DEFB121: variants seen among roughly 807,000 people sequenced by gnomAD.
The protein encoded by DEFB121 is beta-defensin 121.
In DEFB121, 5 loss-of-function variants were observed where a neutral mutation model predicts 2.5. The observed-to-expected ratio is 1.96, with a 90% CI of 1.03 to 4.13. The LOEUF is 4.13. DEFB121 is among the 30% of genes most tolerant of loss of function. DEFB121 has a pLI of 0.00. For missense variants in DEFB121, 87 were observed against 85.0 expected (o/e 1.02, Z -0.09); for synonymous variants, 39 against 32.6 (o/e 1.20, Z -0.67).
the DEFB121 span, among the ~76,000 whole-genome samples, chr20:31,418,259 C>CAAAAAAAAA: frequency 4.2e-3 from 348 of 82,824 alleles, 13 homozygotes; most frequent in Non-Finnish European, 6.3e-3. Context: ...GACTCCGTCT[C>CAAAAAAAAA]AAAAAAAAAA....
In DEFB121 at chr20:31,411,603, C is replaced by A. The variant is rs9784184; in HGVS notation, n.217+1019G>T. 6.2e-3 allele frequency among the ~76,000 whole-genome samples: 940 copies of A among 150,468 alleles called. 12 individuals are homozygous for A. Among genetic ancestry groups the A allele is most frequent in the African/African-American group, 0.022 (891 of 40,990 alleles). ...AAGAAAGCGATAAAGATCTGAGGAG[C>A]GAATATGTGTTTTCCAAAGATTACA... On this transcript the variant is annotated intron_variant and non_coding_transcript_variant, in intron 1 of 1. Coordinates refer to the DEFB121 transcript ENST00000376312.
chr20:31,404,861 A>C lies in DEFB121; in HGVS notation c.*52T>G. 3 of 1,589,662 alleles carry C rather than the reference A, an allele frequency of 1.9e-6. No individual in the cohort carries two copies. The highest frequency in any genetic ancestry group is 2.6e-6 in the Non-Finnish European group (3 of 1,168,564). ...AACAGGGTGTTGCCAAGAATGATTT[A>C]ATAGAACTGCAGGATCCCATGATGT... On this transcript the variant is annotated 3_prime_UTR_variant, in exon 2 of 2. Transcript: ENST00000376314.
At chr20:31,410,851 AGAG>A (rs1568740206), upstream of DEFB121, among the ~76,000 whole-genome samples, 1 of 151,824 alleles carries the variant, frequency 6.6e-6, no homozygotes, top group African/African-American at 2.4e-5. Flanking sequence ...AGAGAGAGAG[AGAG>A]AAAGAGAGCA....
chr20:31,412,672 G>T (rs1275349202), exon 1 of DEFB121: 1 of 1,290,808 alleles, frequency 7.7e-7, no homozygotes, highest in Admixed American at 2.3e-5. Flanking sequence ...CCTCCTTGAG[G>T]CTCTTCTGGC....
upstream of DEFB121, among the ~76,000 whole-genome samples, chr20:31,415,776 G>C (rs1212646179): frequency 1.3e-5 from 2 of 152,106 alleles, no homozygotes; most frequent in Non-Finnish European, 2.9e-5. Flanking sequence ...CAGAGAAATG[G>C]TGGAGAAGGA....
At chr20:31,406,613 G>C (rs925337162), upstream of DEFB121, among the ~76,000 whole-genome samples, 11 of 152,148 alleles carry the variant, frequency 7.2e-5, no homozygotes, top group Admixed American at 4.6e-4. Context: ...ATGAAGGGCA[G>C]AGCAGGGGAA....
chr20:31,416,929 GT>G (rs1171531169), upstream of DEFB121, among the ~76,000 whole-genome samples: 1 of 152,090 alleles, frequency 6.6e-6, no homozygotes, highest in Non-Finnish European at 1.5e-5. Context: ...AGTATACTCT[GT>G]TTATCTGAGT....
chr20:31,406,389 C>T (rs371119986), upstream of DEFB121: 45 of 779,208 alleles, frequency 5.8e-5, no homozygotes, highest in South Asian at 5.6e-4. Context: ...AGAGAAGATA[C>T]GGCCTTGCCT....
upstream of DEFB121, among the ~76,000 whole-genome samples, chr20:31,414,214 G>T (rs904869478): frequency 6.7e-6 from 1 of 148,972 alleles, no homozygotes; most frequent in Non-Finnish European, 1.5e-5. Flanking sequence ...TCAAAAGGAA[G>T]AAAGAAAGAA....
At chr20:31,411,008 GC>G (rs1196298746), upstream of DEFB121, among the ~76,000 whole-genome samples, 3 of 152,156 alleles carry the variant, frequency 2.0e-5, no homozygotes, top group Non-Finnish European at 4.4e-5. Context: ...CTCCATCATA[GC>G]CCTGCAAGTT....
At chr20:31,414,006 G>A (rs1170748990), upstream of DEFB121, among the ~76,000 whole-genome samples, 4 of 152,258 alleles carry the variant, frequency 2.6e-5, no homozygotes, top group African/African-American at 7.2e-5. Flanking sequence ...TCAGGAGTTC[G>A]AGACCAGCCT....
At chr20:31,406,704 T>C (rs1403479937), upstream of DEFB121, among the ~76,000 whole-genome samples, 1 of 152,208 alleles carries the variant, frequency 6.6e-6, no homozygotes, top group East Asian at 1.9e-4. Flanking sequence ...AGGAAAGCCA[T>C]AGCCCTTACT....
At chr20:31,412,804 G>A (rs1207979827) in exon 1 of DEFB121, 19 of 595,690 alleles carry the variant, frequency 3.2e-5, no homozygotes, top group Non-Finnish European at 4.8e-5. Context: ...CTAAGACCCA[G>A]AGGGCTCACC....
chr20:31,416,566 C>G (rs1005531514), upstream of DEFB121, among the ~76,000 whole-genome samples: 2 of 152,136 alleles, frequency 1.3e-5, no homozygotes, highest in Non-Finnish European at 2.9e-5. Flanking sequence ...GCATCTGCCA[C>G]GTATCAAAAG....
chr20:31,407,294 T>G (rs1443695137), upstream of DEFB121, among the ~76,000 whole-genome samples: 1 of 152,128 alleles, frequency 6.6e-6, no homozygotes, highest in Non-Finnish European at 1.5e-5. Flanking sequence ...TGGCCCTACT[T>G]CTTCATCCCT....
At position 31,405,022 on chromosome 20, in the gene DEFB121, T is replaced by C. The variant is rs201470451; in HGVS notation, c.122A>G (p.Tyr41Cys). 13 of 1,613,114 alleles carry C rather than the reference T, an allele frequency of 8.1e-6. No individual in the cohort carries two copies. Among genetic ancestry groups the C allele is most frequent in the South Asian group, 2.2e-5 (2 of 90,696 alleles). ...RTTCKESEVY[Y>C]ILCKTEAKCC... is the part of the protein sequence containing the mutation. ...CTTAGCCTCAGTTTTGCATAATATATAGTATACTTCACTTTCTTTACATGT... is the reference window on the plus strand; with the variant it reads ...CTTAGCCTCAGTTTTGCATAATATACAGTATACTTCACTTTCTTTACATGT... Residue 41 changes from tyrosine to cysteine, a missense_variant, in exon 2 of 2, where the codon TAT becomes TGT. Tyr to Cys is a radical substitution (Grantham distance 194, BLOSUM62 -2). Transcript: ENST00000376314.
At position 31,404,931 on chromosome 20, in the gene DEFB121, T is replaced by C; in HGVS notation, c.213A>G (p.Glu71=). 1 of 1,614,080 alleles carries C rather than the reference T, an allele frequency of 6.2e-7. No individual in the cohort carries two copies. The highest frequency in any genetic ancestry group is 1.7e-5 in the Admixed American group (1 of 59,986). ...AGAGGTGTCAGACTGCAGAAGTTGA[T>C]TCCAGGCTTGTATTTGTGTCTGTTA... ...PKLTDTNTSL[E]STSAV The change falls in exon 2 of 2, where the codon GAA becomes GAG. Residue 71 remains glutamate (E), a synonymous_variant. Coordinates refer to ENST00000376314, the MANE Select transcript of DEFB121 (RefSeq NM_001011878.3).
At chr20:31,414,243 GAAGGAAGA>G (rs1978743348), upstream of DEFB121, among the ~76,000 whole-genome samples, 1 of 151,252 alleles carries the variant, frequency 6.6e-6, no homozygotes, top group African/African-American at 2.4e-5. Context: ...AGAGAGAAAG[GAAGGAAGA>G]AAGGAAGGAA....
chr20:31,415,539 C>T (rs912107678), upstream of DEFB121, among the ~76,000 whole-genome samples: 3 of 152,116 alleles, frequency 2.0e-5, no homozygotes, highest in Non-Finnish European at 4.4e-5. Context: ...AGTGAGCTAC[C>T]ATGCCGGCGA....
Sources: gnomAD v4.1 joint callset for allele counts (sites outside exome capture counted in the v4.1 genomes callset) on GRCh38, gnomAD v4.1.1 for gene constraint, MANE v1.5 for transcripts, NCBI Gene and HGNC (gene_info 2026-07-23, HGNC 2026-07-21) for gene names.